PPP2R2B: variants seen among roughly 807,000 people sequenced by gnomAD.
PPP2R2B encodes the protein serine/threonine-protein phosphatase 2A 55 kDa regulatory subunit B beta isoform.
Under a neutral mutation model 46.0 loss-of-function variants are expected in PPP2R2B, and 5 were observed. That is an observed-to-expected ratio of 0.11 (90% CI 0.06 to 0.23). The LOEUF (loss-of-function observed/expected upper bound fraction) is 0.23. Ranked by LOEUF, PPP2R2B falls within the 10% of genes least tolerant of loss-of-function variation. The probability of loss-of-function intolerance (pLI) is 1.00; values close to 1 mark genes in which losing one functional copy is unlikely to be tolerated. For synonymous variants in PPP2R2B, 215 were observed against 206.7 expected (o/e 1.04, Z -0.34); for missense variants, 367 against 575.0 (o/e 0.64, Z 3.70).
At chr5:146,609,331 T>C (rs1330676376) in intron 7 of PPP2R2B, among the ~76,000 whole-genome samples, 1 of 152,214 alleles carries the variant, frequency 6.6e-6, no homozygotes, top group Non-Finnish European at 1.5e-5. Flanking sequence ...TTGCTCAACA[T>C]AGTACTGAAA....
intron 1 of PPP2R2B, among the ~76,000 whole-genome samples, chr5:146,948,746 T>G (rs935502448): frequency 3.9e-5 from 6 of 152,090 alleles, no homozygotes; most frequent in Non-Finnish European, 7.4e-5. Flanking sequence ...ATGATTGGAC[T>G]TGAGAGTTAA....
intron 2 of PPP2R2B, among the ~76,000 whole-genome samples, chr5:146,866,629 CATAT>C (rs34698553): frequency 1.3e-5 from 2 of 151,476 alleles, no homozygotes; most frequent in Non-Finnish European, 2.9e-5. Context: ...CAGATACATA[CATAT>C]ATATACACAC....
At chr5:147,060,991 C>CA (rs1757240972) in intron 2 of PPP2R2B, among the ~76,000 whole-genome samples, 1 of 152,184 alleles carries the variant, frequency 6.6e-6, no homozygotes. Context: ...ACACTTCCTA[C>CA]ACCCACTAGC....
intron 1 of PPP2R2B, among the ~76,000 whole-genome samples, chr5:147,041,412 GAGACTT>G (rs1756292191): frequency 6.6e-6 from 1 of 152,114 alleles, no homozygotes; most frequent in Admixed American, 6.5e-5. Flanking sequence ...CTCTCCAACT[GAGACTT>G]AGAGAATTGG....
chr5:146,625,957 C>T (rs1282385800), intron 7 of PPP2R2B, among the ~76,000 whole-genome samples: 1 of 152,058 alleles, frequency 6.6e-6, no homozygotes, highest in Non-Finnish European at 1.5e-5. Flanking sequence ...GAAGAAGGGG[C>T]CATTAGCCAT....
chr5:146,987,161 TC>T (rs1437815766), intron 1 of PPP2R2B, among the ~76,000 whole-genome samples: 4 of 152,122 alleles, frequency 2.6e-5, no homozygotes, highest in Non-Finnish European at 5.9e-5. Context: ...GGCAAAGCTA[TC>T]CTTAAAACAT....
At chr5:146,797,285 T>C (rs1453524663) in intron 2 of PPP2R2B, among the ~76,000 whole-genome samples, 1 of 152,188 alleles carries the variant, frequency 6.6e-6, no homozygotes, top group Non-Finnish European at 1.5e-5. Context: ...TTTTAAAAAA[T>C]CCATGCCACT....
chr5:146,717,011 T>C (rs531409844), intron 2 of PPP2R2B, among the ~76,000 whole-genome samples: 1 of 152,354 alleles, frequency 6.6e-6, no homozygotes, highest in East Asian at 1.9e-4. Flanking sequence ...ACATAAATGG[T>C]TCACAACTGG....
rs1217601944 is a variant in PPP2R2B, at chr5:146,583,382, A to G, written c.*6565T>C. On this transcript the variant is annotated 3_prime_UTR_variant, in exon 10 of 10. Transcript: ENST00000394411. ...AGCTTTGTGCATATTAAATCATGCAATCTTCACAGCAATTTTATGAGATAG... is the reference window on the plus strand; with the variant it reads ...AGCTTTGTGCATATTAAATCATGCAGTCTTCACAGCAATTTTATGAGATAG... 3 of 152,222 alleles carry G rather than the reference A, an allele frequency of 2.0e-5. No homozygotes were observed. Among genetic ancestry groups the G allele is most frequent in the African/African-American group, 7.2e-5 (3 of 41,444 alleles). 9.4% of individuals were successfully genotyped at this position (152,222 alleles called of 1,614,324 possible). A position where few individuals can be genotyped will look rare whatever the true frequency, so the allele number is the denominator to read the frequency against.
At chr5:146,933,968 G>C (rs1041861962) in intron 1 of PPP2R2B, among the ~76,000 whole-genome samples, 1 of 151,844 alleles carries the variant, frequency 6.6e-6, no homozygotes, top group African/African-American at 2.4e-5. Flanking sequence ...TACTGAGAAT[G>C]ATGATTTCCA....
chr5:146,628,080 G>A (rs1350425283), intron 7 of PPP2R2B, among the ~76,000 whole-genome samples: 1 of 152,046 alleles, frequency 6.6e-6, no homozygotes, highest in Non-Finnish European at 1.5e-5. Context: ...GAGTAGTGGG[G>A]ATTACAGGTG....
At chr5:146,790,784 A>T (rs1377959784) in intron 2 of PPP2R2B, among the ~76,000 whole-genome samples, 1 of 152,218 alleles carries the variant, frequency 6.6e-6, no homozygotes, top group Non-Finnish European at 1.5e-5. Context: ...AGAGTGAAGC[A>T]TTATATTATG....
chr5:146,597,697 C>T (rs1404990967), intron 8 of PPP2R2B, among the ~76,000 whole-genome samples: 2 of 152,194 alleles, frequency 1.3e-5, no homozygotes, highest in Non-Finnish European at 2.9e-5. Context: ...AACCCTACCA[C>T]CCTACAACAT....
rs182988717 is a variant in PPP2R2B, at chr5:146,783,132, T to C, written c.71-81990A>G. The stretch of plus-strand genomic sequence containing the variant: ...GATAGGTTAAACAAATTAAGATTAA[T>C]GTCATGGGCTTTATAAACTACTGAA... On this transcript the variant is annotated intron_variant, in intron 2 of 9. Transcript: ENST00000394411. Among the ~76,000 whole-genome samples the C allele has an allele frequency of 2.6e-5, 4 of 152,322 alleles. No individual in the cohort carries two copies. The East Asian group carries it at 7.7e-4, about 29-fold the overall frequency.
At chr5:147,017,494 A>AG (rs1406422868) in intron 1 of PPP2R2B, among the ~76,000 whole-genome samples, 1 of 151,606 alleles carries the variant, frequency 6.6e-6, no homozygotes, top group Non-Finnish European at 1.5e-5. Context: ...AACTAACTCA[A>AG]GGATGAAGTT....
intron 1 of PPP2R2B, among the ~76,000 whole-genome samples, chr5:147,035,745 A>G (rs1756007118): frequency 6.6e-6 from 1 of 152,178 alleles, no homozygotes; most frequent in Non-Finnish European, 1.5e-5. Context: ...AACAACCTCA[A>G]AGACCAAGAG....
intron 1 of PPP2R2B, among the ~76,000 whole-genome samples, chr5:147,008,580 T>C (rs1754561918): frequency 6.6e-6 from 1 of 152,168 alleles, no homozygotes. Context: ...CTATATAAAA[T>C]GGGCTTCCAT....
intron 7 of PPP2R2B, among the ~76,000 whole-genome samples, chr5:146,631,427 T>C (rs1268377819): frequency 6.6e-6 from 1 of 152,220 alleles, no homozygotes. Context: ...TCATTTCGCA[T>C]GCTGCTTTAA....
intron 1 of PPP2R2B, among the ~76,000 whole-genome samples, chr5:146,966,486 G>A (rs1752416734): frequency 6.6e-6 from 1 of 152,180 alleles, no homozygotes; most frequent in African/African-American, 2.4e-5. Context: ...TGTGAGCAGA[G>A]CCAAAGATCG....
Sources: allele counts gnomAD v4.1 joint callset (sites outside exome capture counted in the v4.1 genomes callset), GRCh38; gene constraint gnomAD v4.1.1; transcripts MANE v1.5; gene names NCBI Gene and HGNC (gene_info 2026-07-23, HGNC 2026-07-21).